Variants in ZNF35 observed in about 807,000 individuals in gnomAD.
ZNF35 encodes zinc finger protein 35 (clone HF.10).
In ZNF35, 31 loss-of-function variants were observed where a neutral mutation model predicts 45.9. The ratio of observed to expected loss-of-function variants is 0.68; its 90% CI spans 0.51 to 0.91. ZNF35 has a LOEUF of 0.91. Ranked by LOEUF, ZNF35 falls within the 40% of genes least tolerant of loss-of-function variation. The pLI is 0.00. For missense variants in ZNF35, 515 were observed against 625.4 expected, an observed-to-expected ratio of 0.82 and a Z score of 1.88; for synonymous variants, 205 against 220.2, an observed-to-expected ratio of 0.93 and a Z score of 0.61.
Position 44,652,612 on chromosome 3 carries a change from C to T in ZNF35, c.248C>T (p.Pro83Leu). 6.2e-7 allele frequency: 1 copy of T among 1,611,134 alleles called. No homozygotes were observed. Among genetic ancestry groups the T allele is most frequent in the Non-Finnish European group, 8.5e-7 (1 of 1,178,814 alleles). The change falls in exon 3 of 4, where the codon CCT (proline) becomes CTT (leucine). Residue 83 changes from proline to leucine, a missense_variant. By Grantham distance (98) the Pro-to-Leu change is moderately conservative. Transcript: ENST00000396056. ...AVVLKATQEA[P>L]AASTLGSYSL... ...GTCCTGAAAGCAACTCAGGAGGCAC[C>T]TGCTGCTTCAACCCTTGGCAGCTAC...
intron 2 of ZNF35, among the ~76,000 whole-genome samples, 184 bp from the exon 3 acceptor site, chr3:44,652,373 T>C (rs1371521170): frequency 1.3e-5 from 2 of 152,198 alleles, no homozygotes; most frequent in Non-Finnish European, 2.9e-5. Context: ...AGGAAGAAAG[T>C]AGCTAGCTTG....
Position 44,659,187 on chromosome 3 carries a change from A to G in ZNF35, c.824A>G (p.Gln275Arg). 1.9e-6 allele frequency: 3 copies of G among 1,614,238 alleles called. No individual in the cohort carries two copies. The highest frequency in any genetic ancestry group is 2.5e-6 in the Non-Finnish European group (3 of 1,180,048). ...GTGCATCAGAGAATCCACACTGGAC[A>G]GAAACCTTATGTTTGCTCAAAATGT... The part of the protein sequence containing the change: ...LVVHQRIHTG[Q>R]KPYVCSKCGK... Residue 275 changes from glutamine to arginine, a missense_variant, in exon 4 of 4, where the codon CAG (glutamine) becomes CGG (arginine). Transcript: ENST00000396056. The surrounding 1 kb of genome is among the most constrained non-coding windows in gnomAD (Gnocchi z 4.3).
At position 44,659,418 on chromosome 3, in the gene ZNF35, AC is replaced by A; in HGVS notation, c.1057del (p.Gln353ArgfsTer178). On this transcript the variant is annotated frameshift_variant, in exon 4 of 4. Transcript: ENST00000396056. LOFTEE classifies it high-confidence loss of function. This position sits in a 1 kb window ranked among gnomAD's most constrained non-coding sequence, Gnocchi z 4.3. ...TFTRSSNLIV[H>X]QRIHTGEKPF... ...ACTAGGAGCTCAAACCTCATTGTCC[AC>A]CAGAGGATCCACACTGGGGAGAAGC... 6.2e-7 allele frequency: 1 copy of A among 1,611,632 alleles called. No homozygotes were observed. Among genetic ancestry groups the A allele is most frequent in the East Asian group, 2.2e-5 (1 of 44,788 alleles).
chr3:44,649,066 C>G (rs1380883537), intron 1 of ZNF35, among the ~76,000 whole-genome samples: 1 of 152,190 alleles, frequency 6.6e-6, no homozygotes, highest in Admixed American at 6.5e-5. Flanking sequence ...CAGATAGGTC[C>G]CAGGGACAGG....
chr3:44,652,129 G>T (rs754085064), intron 2 of ZNF35, among the ~76,000 whole-genome samples: 3 of 152,160 alleles, frequency 2.0e-5, no homozygotes, highest in Non-Finnish European at 4.4e-5. Context: ...GCTGTACACT[G>T]TGCTGTCCTT....
chr3:44,646,540 AAC>A (rs778181178), upstream of ZNF35: 6 of 1,290,370 alleles, frequency 4.6e-6, no homozygotes, highest in East Asian at 6.9e-5. Context: ...CACCACGAGA[AAC>A]AGACACATCC....
At chr3:44,650,717 A>G (rs1451318976) in intron 1 of ZNF35, among the ~76,000 whole-genome samples, 2 of 152,260 alleles carry the variant, frequency 1.3e-5, no homozygotes, top group Non-Finnish European at 2.9e-5. Flanking sequence ...GAAAAAATCA[A>G]TAAACATTAT....
chr3:44,653,794 G>A (rs780140510), intron 3 of ZNF35, among the ~76,000 whole-genome samples: 142 of 152,134 alleles, frequency 9.3e-4, no homozygotes, highest in Non-Finnish European at 1.8e-3. Context: ...TATAAGTGAG[G>A]GTCAAGAATG....
intron 1 of ZNF35, 114 bp from the exon 2 acceptor site, chr3:44,650,827 C>T (rs960724013): frequency 2.3e-6 from 1 of 444,008 alleles, no homozygotes; most frequent in East Asian, 3.7e-5. Flanking sequence ...CCATGTCCTA[C>T]ATTGGCCCCT....
At position 44,651,268 on chromosome 3, in the gene ZNF35, G is replaced by T. The variant is rs757721542; in HGVS notation, c.192+9G>T. 10 of 1,609,176 alleles carry T rather than the reference G, an allele frequency of 6.2e-6. No homozygotes were observed. Among genetic ancestry groups the T allele is most frequent in the Middle Eastern group, 1.7e-4 (1 of 6,022 alleles). On this transcript the variant is annotated intron_variant, in intron 2 of 3. Transcript: ENST00000396056. ...CAGAAGAGGAAGAAAAGGTAAACGG[G>T]GGCCTGAGAGGAAGAGGGGAGGAGA...
intron 3 of ZNF35, among the ~76,000 whole-genome samples, chr3:44,653,817 G>A (rs1281569731): frequency 6.6e-6 from 1 of 152,208 alleles, no homozygotes; most frequent in African/African-American, 2.4e-5. Context: ...GTAGCCATGA[G>A]TCCTGTGTTT....
chr3:44,659,974 C>A lies in ZNF35; in HGVS notation c.*27C>A. 6.6e-7 allele frequency: 1 copy of A among 1,521,838 alleles called. No individual in the cohort carries two copies. Among genetic ancestry groups the A allele is most frequent in the Non-Finnish European group, 8.8e-7 (1 of 1,135,772 alleles). 94.3% of individuals were successfully genotyped at this position (1,521,838 alleles called of 1,614,324 possible). On this transcript the variant is annotated 3_prime_UTR_variant, in exon 4 of 4. Transcript: ENST00000396056. This position sits in a 1 kb window ranked among gnomAD's most constrained non-coding sequence, Gnocchi z 4.3. The stretch of plus-strand genomic sequence containing the variant: ...AAGTAAGGAAGAGGAAGACCTCCAG[C>A]ATTGGTCATAACCTTCTGCCTCCCT...
At chr3:44,652,044 T>C (rs759101664) in intron 2 of ZNF35, among the ~76,000 whole-genome samples, 19 of 152,112 alleles carry the variant, frequency 1.2e-4, no homozygotes, top group Non-Finnish European at 2.6e-4. Flanking sequence ...CTGTGTTCTT[T>C]GTTTGTTTGT....
Position 44,659,873 on chromosome 3 carries a change from T to A in ZNF35, c.1510T>A (p.Cys504Ser). 5 of 1,609,594 alleles carry A rather than the reference T, an allele frequency of 3.1e-6. No individual in the cohort carries two copies. The highest frequency in any genetic ancestry group is 4.2e-6 in the Non-Finnish European group (5 of 1,177,516). ...CCACACTGGGGAGAAGCCCTATGAA[T>A]GTGAGAAGTGTGGTGCAGCTTTCAT... ...RTHTGEKPYE[C>S]EKCGAAFISN... is the part of the protein sequence containing the mutation. The change falls in exon 4 of 4, where the codon TGT (cysteine) becomes AGT (serine). Residue 504 changes from cysteine to serine, a missense_variant. By Grantham distance (112) the Cys-to-Ser change is moderately radical. Transcript: ENST00000396056. This position sits in a 1 kb window ranked among gnomAD's most constrained non-coding sequence, Gnocchi z 4.3.
intron 1 of ZNF35, among the ~76,000 whole-genome samples, chr3:44,649,590 G>A (rs1703139736): frequency 6.6e-6 from 1 of 152,124 alleles, no homozygotes; most frequent in Non-Finnish European, 1.5e-5. Context: ...GTGATAAAGG[G>A]TTACTGTCAA....
At chr3:44,647,938 C>G (rs1179179561), upstream of ZNF35, 3 of 152,160 alleles carry the variant, frequency 2.0e-5, no homozygotes, top group Non-Finnish European at 4.4e-5. Flanking sequence ...TACACACATA[C>G]TGTACCAATG....
rs753564283 is a variant in ZNF35 at position 44,658,876 on chromosome 3, G to T, written c.513G>T (p.Lys171Asn). 1 of 1,612,602 alleles carries T rather than the reference G, an allele frequency of 6.2e-7. No homozygotes were observed. Among genetic ancestry groups the T allele is most frequent in the South Asian group, 1.1e-5 (1 of 90,580 alleles). Residue 171 changes from lysine to asparagine, a missense_variant, in exon 4 of 4, where the codon AAG (lysine) becomes AAT (asparagine). Around this residue, in one of 3 missense-constraint regions of ZNF35, gnomAD observed 275 missense variants for 295.7 expected, o/e 0.93. Coordinates refer to ENST00000396056, the MANE Select transcript of ZNF35 (RefSeq NM_003420.4). ...AGAGGCAGAGAATAAAGAGAGAAAA[G>T]AAAGATTTCAGACAAGTGATAGTGA... ...MLKRQRIKREKKDFRQVIVND... is the reference protein window; with the variant it reads ...MLKRQRIKRENKDFRQVIVND...
At chr3:44,650,845 C>A in intron 1 of ZNF35, 96 bp from the exon 2 acceptor site, 1 of 475,714 alleles carries the variant, frequency 2.1e-6, no homozygotes, top group Non-Finnish European at 3.7e-6. Context: ...CCTGGCCAGG[C>A]GCTGGTGAAA....
chr3:44,651,299 G>C, intron 2 of ZNF35, 40 bp downstream of exon 2: 1 of 1,592,806 alleles, frequency 6.3e-7, no homozygotes, highest in Non-Finnish European at 8.5e-7. Context: ...GGAGATACTT[G>C]AAGACCTCAA....
Sources: gnomAD v4.1 joint callset for allele counts (sites outside exome capture counted in the v4.1 genomes callset) on GRCh38, gnomAD v4.1.1 for gene constraint, gnomAD v4.1.1 regional missense constraint, Gnocchi (gnomAD v3.1) non-coding constraint, MANE v1.5 for transcripts, NCBI Gene and HGNC (gene_info 2026-07-23, HGNC 2026-07-21) for gene names.